The following UBE2J1 variants were observed in gnomAD, a reference collection of about 807,000 sequenced individuals.
UBE2J1 encodes ubiquitin conjugating enzyme E2 J1, also known as ubiquitin-conjugating enzyme E2 J1.
In UBE2J1, 17 loss-of-function variants were observed where a neutral mutation model predicts 42.1. The observed-to-expected ratio is 0.40, with a 90% CI of 0.28 to 0.61. The LOEUF (loss-of-function observed/expected upper bound fraction) is 0.61, where lower values mean the gene tolerates loss of function less well. Among genes scored for constraint, UBE2J1 ranks in the 20% least tolerant of loss-of-function variants. The pLI, the probability that UBE2J1 is intolerant of heterozygous loss-of-function variation, is 0.38. For missense variants in UBE2J1, 291 were observed against 389.4 expected (o/e 0.75, Z 2.13); for synonymous variants, 127 against 137.2 (o/e 0.93, Z 0.52).
intron 6 of UBE2J1, 112 bp downstream of exon 6, chr6:89,335,190 A>C: frequency 9.7e-7 from 1 of 1,031,150 alleles, no homozygotes; most frequent in South Asian, 2.9e-5. Flanking sequence ...AAAAAGAAAA[A>C]CATTGGCAAA....
chr6:89,335,482 C>T, intron 5 of UBE2J1, 51 bp from the exon 6 acceptor site: 2 of 1,398,990 alleles, frequency 1.4e-6, no homozygotes, highest in Non-Finnish European at 1.9e-6. Flanking sequence ...ATGTTTAATT[C>T]CCTCTCACTG....
At chr6:89,352,391 C>A in intron 1 of UBE2J1, 148 bp downstream of exon 1, 1 of 917,946 alleles carries the variant, frequency 1.1e-6, no homozygotes, top group Non-Finnish European at 1.6e-6. Context: ...GCGGCCTGTA[C>A]TTCCCGGGCA....
chr6:89,329,193 C>T lies in UBE2J1; in HGVS notation c.*486G>A, dbSNP rs1259495369. The T allele has an allele frequency of 6.4e-6, 1 of 155,194 alleles. No individual in the cohort carries two copies. The highest frequency in any genetic ancestry group is 1.4e-5 in the Non-Finnish European group (1 of 70,378). The allele number at this position is 155,194 out of a possible 1,614,324, so 9.6% of individuals were successfully genotyped here. A position where few individuals can be genotyped will look rare whatever the true frequency, so the allele number is the denominator to read the frequency against. ...AGTCACAGAATGAGCAATTCCAGTACATCTCCTATGAATGACATTTTAAGG... is the reference window on the plus strand; with the variant it reads ...AGTCACAGAATGAGCAATTCCAGTATATCTCCTATGAATGACATTTTAAGG... On this transcript the variant is annotated 3_prime_UTR_variant, in exon 8 of 8. Coordinates refer to ENST00000435041, the MANE Select transcript of UBE2J1 (RefSeq NM_016021.3).
At chr6:89,344,338 C>A (rs1029281737) in intron 1 of UBE2J1, among the ~76,000 whole-genome samples, 9 of 152,178 alleles carry the variant, frequency 5.9e-5, no homozygotes, top group African/African-American at 2.2e-4. Context: ...AATGGACTGT[C>A]CCCTGAATTC....
chr6:89,329,687 C>CA lies in UBE2J1; in HGVS notation c.948dup (p.Glu317Ter). 6.2e-7 allele frequency: 1 copy of CA among 1,614,000 alleles called. No individual in the cohort carries two copies. Among genetic ancestry groups the CA allele is most frequent in the Non-Finnish European group, 8.5e-7 (1 of 1,179,948 alleles). On this transcript the variant is annotated frameshift_variant, in exon 8 of 8. Coordinates refer to ENST00000435041, the MANE Select transcript of UBE2J1 (RefSeq NM_016021.3). LOFTEE classifies it high-confidence loss of function. ...TAAGTCACAAAACCATATTATAACT[C>CA]AAAGTCAAATATGTATTCGTTTGCC...
chr6:89,349,299 A>G (rs1018552585), intron 1 of UBE2J1, among the ~76,000 whole-genome samples: 1 of 152,222 alleles, frequency 6.6e-6, no homozygotes, highest in Non-Finnish European at 1.5e-5. Context: ...AGGGTCAATC[A>G]TGAGCAGCCC....
Position 89,329,318 on chromosome 6 carries a change from T to G in UBE2J1, c.*361A>C, listed in dbSNP as rs956631394. On this transcript the variant is annotated 3_prime_UTR_variant, in exon 8 of 8. Coordinates refer to ENST00000435041, the MANE Select transcript of UBE2J1 (RefSeq NM_016021.3). Reference sequence around the variant, plus strand: ...TACTCAATAAGTGGTATTGAGTAACTAGTAATACTCATTGGAACTTAAAAC... The same window carrying G: ...TACTCAATAAGTGGTATTGAGTAACGAGTAATACTCATTGGAACTTAAAAC... The G allele has an allele frequency of 3.5e-6, 1 of 283,298 alleles. No homozygotes were observed. The highest frequency in any genetic ancestry group is 6.7e-6 in the Non-Finnish European group (1 of 148,260). The allele number at this position is 283,298 out of a possible 1,614,324, so 17.5% of individuals were successfully genotyped here.
rs555058369 is a variant in UBE2J1, at chr6:89,338,912, A to G, written c.238-369T>C. ...GATATCCTGACCTTGTGATCTGCCC[A>G]CCTTGGCCTCCCAAAGTGCTGGGAT... On this transcript the variant is annotated intron_variant, in intron 3 of 7. Coordinates refer to ENST00000435041, the MANE Select transcript of UBE2J1 (RefSeq NM_016021.3). Among the ~76,000 whole-genome samples the G allele has an allele frequency of 3.8e-3, 579 of 151,844 alleles. 1 individual carries two copies. The highest frequency in any genetic ancestry group is 5.6e-3 in the Admixed American group (85 of 15,244).
chr6:89,332,550 C>T (rs1768029593), intron 7 of UBE2J1, among the ~76,000 whole-genome samples: 1 of 152,108 alleles, frequency 6.6e-6, no homozygotes, highest in South Asian at 2.1e-4. Context: ...TACCCATTAG[C>T]CACATGTGGC....
At chr6:89,346,675 A>G (rs1255899625) in intron 1 of UBE2J1, among the ~76,000 whole-genome samples, 1 of 151,236 alleles carries the variant, frequency 6.6e-6, no homozygotes, top group Non-Finnish European at 1.5e-5. Flanking sequence ...TGGAGATTTC[A>G]ATCTGGGCAG....
At chr6:89,341,700 G>A (rs1049890670) in intron 3 of UBE2J1, among the ~76,000 whole-genome samples, 1 of 151,592 alleles carries the variant, frequency 6.6e-6, no homozygotes. Context: ...CTCCAGCCTG[G>A]GCAACAGAGA....
chr6:89,347,150 G>A (rs942781749), intron 1 of UBE2J1, among the ~76,000 whole-genome samples: 7 of 152,182 alleles, frequency 4.6e-5, no homozygotes, highest in African/African-American at 1.7e-4. Flanking sequence ...AGAGGCCAGT[G>A]GAAGGGCCTG....
rs1767922240 is a variant in UBE2J1 at position 89,326,956 on chromosome 6, A to G, written c.*2723T>C. 6.6e-6 allele frequency: 1 copy of G among 152,646 alleles called. No homozygotes were observed. Among genetic ancestry groups the G allele is most frequent in the Admixed American group, 6.5e-5 (1 of 15,276 alleles). 9.5% of individuals were successfully genotyped at this position (152,646 alleles called of 1,614,324 possible). The stretch of plus-strand genomic sequence containing the variant: ...TCAAAAGACCAGAAAGTTTATTCAT[A>G]GCCAAAAATGACAAAAAGAGTTCTT... On this transcript the variant is annotated 3_prime_UTR_variant, in exon 8 of 8. Transcript: ENST00000435041.
intron 1 of UBE2J1, among the ~76,000 whole-genome samples, chr6:89,349,066 G>A (rs957008320): frequency 5.3e-5 from 8 of 152,102 alleles, no homozygotes; most frequent in South Asian, 2.1e-4. Flanking sequence ...TGAAACCCTC[G>A]TCTCTACAAA....
chr6:89,345,042 C>T (rs1768331662), intron 1 of UBE2J1, among the ~76,000 whole-genome samples: 1 of 152,090 alleles, frequency 6.6e-6, no homozygotes, highest in Non-Finnish European at 1.5e-5. Context: ...TGATGTAGCT[C>T]AAAAGAGAGG....
chr6:89,352,510 C>T (rs1350138239), intron 1 of UBE2J1, 29 bp downstream of exon 1: 2 of 1,559,744 alleles, frequency 1.3e-6, no homozygotes, highest in South Asian at 1.2e-5. Flanking sequence ...ACTCCGCCCT[C>T]CTCGCCCAGG....
At chr6:89,334,659 C>T (rs1003923784) in intron 6 of UBE2J1, among the ~76,000 whole-genome samples, 2 of 151,882 alleles carry the variant, frequency 1.3e-5, no homozygotes, top group South Asian at 2.1e-4. Context: ...TTAGTAGAGA[C>T]GGGGTTTCTC....
intron 7 of UBE2J1, among the ~76,000 whole-genome samples, chr6:89,332,587 C>A (rs1768030216): frequency 6.6e-6 from 1 of 152,176 alleles, no homozygotes; most frequent in African/African-American, 2.4e-5. Flanking sequence ...TGTGGTGTGA[C>A]TGAGGAACTG....
chr6:89,339,325 G>A (rs1195876347), intron 3 of UBE2J1, among the ~76,000 whole-genome samples: 2 of 147,546 alleles, frequency 1.4e-5, no homozygotes, highest in African/African-American at 5.1e-5. Context: ...ACCTACTTGG[G>A]AGGCTAAGAC....
Sources: allele counts gnomAD v4.1 joint callset (sites outside exome capture counted in the v4.1 genomes callset), GRCh38; gene constraint gnomAD v4.1.1; transcripts MANE v1.5; gene names NCBI Gene and HGNC (gene_info 2026-07-23, HGNC 2026-07-21).